SLIT3: variants seen among roughly 807,000 people sequenced by gnomAD.
The protein encoded by SLIT3 is slit guidance ligand 3.
A neutral mutation model predicts 184.0 loss-of-function variants in SLIT3; 68 were observed. The ratio of observed to expected loss-of-function variants is 0.37; its 90% CI spans 0.30 to 0.45. The LOEUF (loss-of-function observed/expected upper bound fraction) is 0.45. SLIT3 is among the 20% of genes least tolerant of loss of function. SLIT3 has a pLI of 1.00. For synonymous variants in SLIT3, 831 were observed against 828.6 expected (o/e 1.00, Z -0.05); for missense variants, 1,707 against 2,026.0 (o/e 0.84, Z 3.02).
intron 4 of SLIT3, among the ~76,000 whole-genome samples, chr5:168,975,229 C>T (rs1312953186): frequency 6.6e-6 from 1 of 152,182 alleles, no homozygotes; most frequent in Non-Finnish European, 1.5e-5. Flanking sequence ...GCAAGACTCA[C>T]CTCACCTGCC....
At chr5:169,283,601 T>A (rs1369829639) in intron 1 of SLIT3, among the ~76,000 whole-genome samples, 1 of 151,962 alleles carries the variant, frequency 6.6e-6, no homozygotes, top group Non-Finnish European at 1.5e-5. Context: ...AGTGAATGGG[T>A]CTTAGGCAGC....
chr5:169,137,102 G>A (rs1013871089), intron 4 of SLIT3, among the ~76,000 whole-genome samples: 1 of 151,994 alleles, frequency 6.6e-6, no homozygotes, highest in African/African-American at 2.4e-5. Flanking sequence ...TGGACTTCCC[G>A]ACAGCTTCTC....
intron 4 of SLIT3, among the ~76,000 whole-genome samples, chr5:168,987,625 A>G (rs1755179395): frequency 6.6e-6 from 1 of 152,228 alleles, no homozygotes; most frequent in East Asian, 1.9e-4. Context: ...TGGTAACATA[A>G]TGATAGTCTT....
At chr5:169,126,732 C>G (rs1490657884) in intron 4 of SLIT3, among the ~76,000 whole-genome samples, 1 of 152,232 alleles carries the variant, frequency 6.6e-6, no homozygotes, top group Admixed American at 6.5e-5. Context: ...CTGGATCTTT[C>G]TTCTAATCAG....
intron 3 of SLIT3, among the ~76,000 whole-genome samples, chr5:169,241,456 T>A (rs1285041157): frequency 6.6e-6 from 1 of 152,140 alleles, no homozygotes; most frequent in East Asian, 1.9e-4. Context: ...GGCCGTCCTG[T>A]GCATTTAAAG....
chr5:169,045,321 T>C (rs1459400023), intron 4 of SLIT3, among the ~76,000 whole-genome samples: 1 of 151,952 alleles, frequency 6.6e-6, no homozygotes, highest in Non-Finnish European at 1.5e-5. Context: ...TGCCCGGGCT[T>C]TCCCTCACAC....
At chr5:169,079,671 GA>G in intron 4 of SLIT3, among the ~76,000 whole-genome samples, 1 of 90,852 alleles carries the variant, frequency 1.1e-5, no homozygotes, top group African/African-American at 4.6e-5. Context: ...GAGGAGGGAA[GA>G]GGAGGAGGAG....
At chr5:169,169,036 GT>G (rs1762732942) in intron 4 of SLIT3, among the ~76,000 whole-genome samples, 1 of 92,366 alleles carries the variant, frequency 1.1e-5, no homozygotes, top group Non-Finnish European at 3.0e-5. Context: ...TCAGCCCAGA[GT>G]GGGGGGGGGA....
chr5:168,889,048 T>C (rs1760334536), intron 4 of SLIT3, among the ~76,000 whole-genome samples: 1 of 152,172 alleles, frequency 6.6e-6, no homozygotes, highest in Non-Finnish European at 1.5e-5. Flanking sequence ...AACTTTCTAA[T>C]ATATAGTAAC....
intron 4 of SLIT3, among the ~76,000 whole-genome samples, chr5:169,007,458 C>G: frequency 6.6e-6 from 1 of 152,168 alleles, no homozygotes; most frequent in East Asian, 1.9e-4. Flanking sequence ...CCTTATTCTA[C>G]GTGCTTTTTG....
intron 5 of SLIT3, among the ~76,000 whole-genome samples, chr5:168,877,651 C>CGGGCA (rs1759783284): frequency 6.6e-6 from 1 of 152,166 alleles, no homozygotes; most frequent in South Asian, 2.1e-4. Context: ...AGGGCAGACA[C>CGGGCA]GGGCGGTGCG....
chr5:168,885,042 CA>C (rs1760140984), intron 4 of SLIT3, among the ~76,000 whole-genome samples: 1 of 152,240 alleles, frequency 6.6e-6, no homozygotes, highest in East Asian at 1.9e-4. Context: ...TCTAAATGAA[CA>C]TTTTGCAAAG....
chr5:168,910,969 A>C (rs1381387837), intron 4 of SLIT3, among the ~76,000 whole-genome samples: 2 of 152,088 alleles, frequency 1.3e-5, no homozygotes, highest in Admixed American at 1.3e-4. Flanking sequence ...GAAAACACTC[A>C]TGAAAATATT....
At chr5:168,928,522 T>C (rs1376992767) in intron 4 of SLIT3, among the ~76,000 whole-genome samples, 1 of 152,184 alleles carries the variant, frequency 6.6e-6, no homozygotes, top group Non-Finnish European at 1.5e-5. Flanking sequence ...CTGCCGTGTA[T>C]GTCGTCTCTG....
chr5:169,109,514 T>C (rs190916), intron 4 of SLIT3, among the ~76,000 whole-genome samples: 12,326 of 152,214 alleles, frequency 0.081, 573 homozygotes, highest in East Asian at 0.14. Context: ...TCCTGACACA[T>C]AGAAATGTGA....
chr5:168,751,068 AGGGT>A (rs1193909212), intron 18 of SLIT3, among the ~76,000 whole-genome samples: 1 of 150,424 alleles, frequency 6.6e-6, no homozygotes, highest in Non-Finnish European at 1.5e-5. Context: ...AGGCTGGGGG[AGGGT>A]GCTCCAGGGA....
chr5:168,935,320 GA>G (rs1314361803), intron 4 of SLIT3, among the ~76,000 whole-genome samples: 1 of 152,058 alleles, frequency 6.6e-6, no homozygotes, highest in Non-Finnish European at 1.5e-5. Context: ...CCTAAAGTCT[GA>G]ACCACTACAC....
intron 4 of SLIT3, among the ~76,000 whole-genome samples, chr5:169,056,943 C>CATTT (rs1319159927): frequency 2.0e-5 from 3 of 152,208 alleles, no homozygotes. Flanking sequence ...CTCTGAGCCT[C>CATTT]ATTTTCTCAG....
chr5:168,919,644 T>TAA (rs967568718), intron 4 of SLIT3, among the ~76,000 whole-genome samples: 1 of 151,464 alleles, frequency 6.6e-6, no homozygotes, highest in Non-Finnish European at 1.5e-5. Flanking sequence ...GTAATTTTTT[T>TAA]AAAAAAAAAA....
Sources: gnomAD v4.1 joint callset for allele counts (sites outside exome capture counted in the v4.1 genomes callset) on GRCh38, gnomAD v4.1.1 for gene constraint, MANE v1.5 for transcripts, NCBI Gene and HGNC (gene_info 2026-07-23, HGNC 2026-07-21) for gene names.